The following TET1 variants were observed in gnomAD, a reference collection of about 807,000 sequenced individuals.
TET1 encodes the protein tet methylcytosine dioxygenase 1.
A neutral mutation model predicts 148.7 loss-of-function variants in TET1; 13 were observed. The observed-to-expected ratio is 0.09, with a 90% CI of 0.06 to 0.14. TET1 has a LOEUF of 0.14. Ranked by LOEUF, TET1 falls within the 10% of genes least tolerant of loss-of-function variation. TET1 has a pLI of 1.00. For missense variants in TET1, 2,182 were observed against 2,553.8 expected (o/e 0.85, Z 3.14); for synonymous variants, 907 against 937.2 (o/e 0.97, Z 0.59).
intron 1 of TET1, among the ~76,000 whole-genome samples, chr10:68,568,648 G>T (rs1177062914): frequency 6.6e-6 from 1 of 152,088 alleles, no homozygotes; most frequent in Non-Finnish European, 1.5e-5. Context: ...GAAAAGACCC[G>T]GGTCAAAACC....
In TET1 at chr10:68,667,084, T is replaced by G; in HGVS notation, c.4501T>G (p.Leu1501Val). The G allele has an allele frequency of 6.2e-7, 1 of 1,613,998 alleles. No homozygotes were observed. Among genetic ancestry groups the G allele is most frequent in the Non-Finnish European group, 8.5e-7 (1 of 1,179,942 alleles). Reference sequence around the variant, plus strand: ...CAGTGATGAAGAAAAAGTTCTTTGTTTGGTCCGGCAGCGTACAGGCCACCA... The same window carrying G: ...CAGTGATGAAGAAAAAGTTCTTTGTGTGGTCCGGCAGCGTACAGGCCACCA... ...RSSDEEKVLC[L>V]VRQRTGHHCP... is the part of the protein sequence containing the mutation. Residue 1501 changes from leucine to valine, a missense_variant, in exon 7 of 12, where the codon TTG becomes GTG. Transcript: ENST00000373644.
chr10:68,692,441 T>C lies in TET1; in HGVS notation c.*627T>C, dbSNP rs1357723757. 1 of 232,208 alleles carries C rather than the reference T, an allele frequency of 4.3e-6. No homozygotes were observed. Among genetic ancestry groups the C allele is most frequent in the Admixed American group, 5.6e-5 (1 of 17,784 alleles). The allele number at this position is 232,208 out of a possible 1,614,324, so 14.4% of individuals were successfully genotyped here. On this transcript the variant is annotated 3_prime_UTR_variant, in exon 12 of 12. Transcript: ENST00000373644. Reference sequence around the variant, plus strand: ...GTAAATATATATTTTAAAAGCACTTTCTATTTTTAAAAGTAACTTGAAATA... The same window carrying C: ...GTAAATATATATTTTAAAAGCACTTCCTATTTTTAAAAGTAACTTGAAATA...
intron 2 of TET1, among the ~76,000 whole-genome samples, chr10:68,597,327 CCCGGCTGATCGA>C (rs1197138333): frequency 6.6e-6 from 1 of 152,148 alleles, no homozygotes; most frequent in Non-Finnish European, 1.5e-5. Flanking sequence ...AGCTACCACG[CCCGGCTGATCGA>C]CTTAAATTAT....
chr10:68,662,287 G>A (rs957231847), intron 6 of TET1, among the ~76,000 whole-genome samples: 5 of 152,056 alleles, frequency 3.3e-5, no homozygotes, highest in Non-Finnish European at 7.4e-5. Flanking sequence ...GAGATTACAG[G>A]CATGAGCTAC....
intron 2 of TET1, among the ~76,000 whole-genome samples, chr10:68,584,680 G>A (rs2053840670): frequency 6.6e-6 from 1 of 151,568 alleles, no homozygotes; most frequent in Non-Finnish European, 1.5e-5. Flanking sequence ...CTGCACTCCA[G>A]CCCGGGTGAC....
At position 68,624,099 on chromosome 10, in the gene TET1, C is replaced by CTTTCTTTT. The variant is rs1554937832; in HGVS notation, c.1969-20596_1969-20595insCTTTTTTT. ...TATTTTCTTTTTTCTTTCTTTCTTT[C>CTTTCTTTT]TTTTCTTTTTTTTTTGAAATGGAGT... On this transcript the variant is annotated intron_variant, in intron 3 of 11. Coordinates refer to ENST00000373644, the MANE Select transcript of TET1 (RefSeq NM_030625.3). Among the ~76,000 whole-genome samples the CTTTCTTTT allele has an allele frequency of 8.4e-3, 1,238 of 148,030 alleles. 18 individuals carry two copies. Among genetic ancestry groups the CTTTCTTTT allele is most frequent in the African/African-American group, 0.028 (1,152 of 40,478 alleles).
intron 1 of TET1, among the ~76,000 whole-genome samples, chr10:68,571,557 C>T (rs1205565910): frequency 2.6e-5 from 4 of 151,298 alleles, no homozygotes; most frequent in African/African-American, 4.9e-5. Context: ...TGAGCCACTG[C>T]GCCTGGCAAT....
intron 5 of TET1, 152 bp downstream of exon 5, chr10:68,652,088 C>T (rs1589113240): frequency 1.4e-6 from 1 of 695,336 alleles, no homozygotes; most frequent in South Asian, 2.0e-5. Context: ...GGGGTGTCCT[C>T]GTGTCCCTAC....
chr10:68,619,417 A>C (rs1264802403), intron 3 of TET1, among the ~76,000 whole-genome samples: 1 of 152,030 alleles, frequency 6.6e-6, no homozygotes, highest in African/African-American at 2.4e-5. Context: ...TTTTGTAGAG[A>C]CAGAGGGGTC....
In TET1 at chr10:68,682,816, C is replaced by CT; in HGVS notation, c.4915-19dup. 2 of 1,609,954 alleles carry CT rather than the reference C, an allele frequency of 1.2e-6. No homozygotes were observed. The highest frequency in any genetic ancestry group is 2.2e-5 in the East Asian group (1 of 44,790). On this transcript the variant is annotated intron_variant, in intron 9 of 11. Transcript: ENST00000373644. ...TTTCCTTCTCTCTCTTAAGATTGTGCTCCATGCTTTCTTTTCTAGGTGGAA... is the reference window on the plus strand; with the variant it reads ...TTTCCTTCTCTCTCTTAAGATTGTGCTTCCATGCTTTCTTTTCTAGGTGGAA...
At chr10:68,597,983 T>C (rs2054007369) in intron 2 of TET1, among the ~76,000 whole-genome samples, 1 of 152,200 alleles carries the variant, frequency 6.6e-6, no homozygotes, top group African/African-American at 2.4e-5. Context: ...AGTTATTGTT[T>C]AATGGGTATG....
At chr10:68,668,406 T>G (rs2055223459) in intron 7 of TET1, among the ~76,000 whole-genome samples, 1 of 152,262 alleles carries the variant, frequency 6.6e-6, no homozygotes, top group Non-Finnish European at 1.5e-5. Flanking sequence ...TTGAGCGATA[T>G]TCGGGGAACT....
At chr10:68,626,082 C>T (rs573628009) in intron 3 of TET1, among the ~76,000 whole-genome samples, 226 of 101,024 alleles carry the variant, frequency 2.2e-3, no homozygotes, top group Non-Finnish European at 3.8e-3. Flanking sequence ...AGAACGAGAC[C>T]CTATCTCAAA....
chr10:68,609,498 G>T (rs1173306791), intron 3 of TET1, among the ~76,000 whole-genome samples: 1 of 152,066 alleles, frequency 6.6e-6, no homozygotes, highest in East Asian at 1.9e-4. Flanking sequence ...CAGAGACCAG[G>T]TTTCCCTGTG....
chr10:68,624,636 CTTTCTTTCTTTCTTTCTTTCTT>C (rs1173269659), intron 3 of TET1, among the ~76,000 whole-genome samples: 73 of 45,234 alleles, frequency 1.6e-3, no homozygotes, highest in African/African-American at 9.3e-3. Flanking sequence ...TTCTTTCTTT[CTTTCTTTCTTTCTTTCTTTCTT>C]TCTCTCTCTC....
intron 6 of TET1, among the ~76,000 whole-genome samples, chr10:68,657,158 T>C (rs1002917237): frequency 5.3e-5 from 8 of 152,088 alleles, no homozygotes; most frequent in African/African-American, 1.9e-4. Context: ...GACAACATAG[T>C]GAGACTCTAC....
chr10:68,578,504 T>A (rs2053757247), intron 2 of TET1, among the ~76,000 whole-genome samples: 1 of 152,156 alleles, frequency 6.6e-6, no homozygotes, highest in Non-Finnish European at 1.5e-5. Flanking sequence ...GTGATCTGCC[T>A]GCCTCGGCCT....
chr10:68,580,895 G>A (rs1434066197), intron 2 of TET1, among the ~76,000 whole-genome samples: 2 of 151,640 alleles, frequency 1.3e-5, no homozygotes, highest in Non-Finnish European at 2.9e-5. Flanking sequence ...GCTTGAGCCT[G>A]GGAGGTTGAG....
intron 3 of TET1, among the ~76,000 whole-genome samples, chr10:68,633,642 A>G (rs28680809): frequency 0.015 from 2,275 of 151,420 alleles, 47 homozygotes; most frequent in African/African-American, 0.052. Flanking sequence ...TTGAAGGTGA[A>G]ACCCCACGCT....
Sources: gnomAD v4.1 joint callset for allele counts (sites outside exome capture counted in the v4.1 genomes callset) on GRCh38, gnomAD v4.1.1 for gene constraint, MANE v1.5 for transcripts, NCBI Gene and HGNC (gene_info 2026-07-23, HGNC 2026-07-21) for gene names.